LINGO2: variants seen among roughly 807,000 people sequenced by gnomAD.
The protein encoded by LINGO2 is leucine rich repeat and Ig domain containing 2, also known as leucine-rich repeat and immunoglobulin-like domain-containing nogo receptor-interacting protein 2.
Under a neutral mutation model 30.6 loss-of-function variants are expected in LINGO2, and 14 were observed. The observed-to-expected ratio is 0.46, with a 90% CI of 0.30 to 0.72. The LOEUF is 0.72. LINGO2 is among the 30% of genes least tolerant of loss of function. LINGO2 has a pLI of 0.07. For synonymous variants in LINGO2, 317 were observed against 288.5 expected, an observed-to-expected ratio of 1.10 and a Z score of -1.00; for missense variants, 729 against 751.7, an observed-to-expected ratio of 0.97 and a Z score of 0.35.
intron 4 of LINGO2, among the ~76,000 whole-genome samples, chr9:28,096,881 T>A (rs559000594): frequency 1.3e-4 from 20 of 152,222 alleles, no homozygotes; most frequent in African/African-American, 4.8e-4. Context: ...TTTTAAAATG[T>A]TTTCATGCTT....
At chr9:29,129,328 G>GT in the LINGO2 span, among the ~76,000 whole-genome samples, 4 of 152,040 alleles carry the variant, frequency 2.6e-5, no homozygotes, top group Non-Finnish European at 5.9e-5. Flanking sequence ...TAGATAAACT[G>GT]TTAAAATGAA....
intron 1 of LINGO2, among the ~76,000 whole-genome samples, chr9:28,518,878 A>G (rs1475626735): frequency 6.6e-6 from 1 of 152,184 alleles, no homozygotes; most frequent in Non-Finnish European, 1.5e-5. Flanking sequence ...AAACCTAGAG[A>G]GAAAAGGTAA....
At chr9:28,615,556 T>C in intron 1 of LINGO2, among the ~76,000 whole-genome samples, 1 of 152,270 alleles carries the variant, frequency 6.6e-6, no homozygotes, top group Admixed American at 6.5e-5. Flanking sequence ...ACAAAATTAT[T>C]ATAAATAATT....
the LINGO2 span, among the ~76,000 whole-genome samples, chr9:28,731,642 G>C: frequency 2.2e-4 from 33 of 152,230 alleles, no homozygotes; most frequent in Admixed American, 8.5e-4. Context: ...CCTGGGGATA[G>C]CTGCTGTTCT....
At chr9:28,856,200 T>C in the LINGO2 span, among the ~76,000 whole-genome samples, 1 of 151,930 alleles carries the variant, frequency 6.6e-6, no homozygotes, top group Non-Finnish European at 1.5e-5. Context: ...TTATAAAAGG[T>C]TTCATTTCCA....
At chr9:29,185,581 A>C in the LINGO2 span, among the ~76,000 whole-genome samples, 2 of 152,196 alleles carry the variant, frequency 1.3e-5, no homozygotes, top group African/African-American at 2.4e-5. Flanking sequence ...ATCAATTTAC[A>C]TTTTGCAAAG....
At chr9:28,508,916 T>G (rs1387375548) in intron 1 of LINGO2, among the ~76,000 whole-genome samples, 1 of 152,076 alleles carries the variant, frequency 6.6e-6, no homozygotes, top group African/African-American at 2.4e-5. Flanking sequence ...ATAATAAATT[T>G]ATGGAGTGGT....
At position 28,314,709 on chromosome 9, in the gene LINGO2, G is replaced by A. The variant is rs560563830; in HGVS notation, c.-245-19343C>T. On this transcript the variant is annotated intron_variant, in intron 3 of 5. Transcript: ENST00000379992. ...GGCAAAGATAAATATATGAGGCCGG[G>A]CGCGGTGGCTCACGCCTGTAATCCC... Among the ~76,000 whole-genome samples, 315 of 152,280 alleles carry A rather than the reference G, an allele frequency of 2.1e-3. 1 individual carries two copies. The highest frequency in any genetic ancestry group is 3.4e-3 in the Non-Finnish European group (233 of 68,022).
chr9:28,008,644 G>T (rs537223644), intron 5 of LINGO2, among the ~76,000 whole-genome samples: 1 of 152,160 alleles, frequency 6.6e-6, no homozygotes, highest in East Asian at 1.9e-4. Context: ...GAATGTATTT[G>T]ACAATCTGAA....
chr9:29,146,505 G>A, the LINGO2 span, among the ~76,000 whole-genome samples: 67 of 152,132 alleles, frequency 4.4e-4, 1 homozygote, highest in Non-Finnish European at 8.4e-4. Flanking sequence ...ATCATTAAGT[G>A]TTGCTGCAAG....
At chr9:28,341,156 A>T (rs890025070) in intron 3 of LINGO2, among the ~76,000 whole-genome samples, 2 of 152,114 alleles carry the variant, frequency 1.3e-5, no homozygotes, top group Admixed American at 1.3e-4. Context: ...AACCAATTCA[A>T]TAGATATGCC....
At chr9:28,971,209 T>C in the LINGO2 span, among the ~76,000 whole-genome samples, 5 of 152,202 alleles carry the variant, frequency 3.3e-5, no homozygotes, top group African/African-American at 1.2e-4. Context: ...TGAAGACCCT[T>C]GGGCCTTGAA....
intron 2 of LINGO2, 37 bp downstream of exon 4, chr9:28,475,903 A>C (rs16913180): frequency 0.048 from 7,331 of 152,666 alleles, 430 homozygotes; most frequent in African/African-American, 0.13. Context: ...ACAGAATCGA[A>C]AGATATCCTG....
chr9:29,188,171 C>A, the LINGO2 span, among the ~76,000 whole-genome samples: 1 of 151,344 alleles, frequency 6.6e-6, no homozygotes, highest in Admixed American at 6.6e-5. Flanking sequence ...TGCGGCCTTC[C>A]GCAGTGTTTG....
At chr9:27,972,013 G>C (rs920543330) in intron 5 of LINGO2, among the ~76,000 whole-genome samples, 1 of 152,064 alleles carries the variant, frequency 6.6e-6, no homozygotes, top group African/African-American at 2.4e-5. Context: ...GCTCATGTTT[G>C]TTTATATTTT....
At chr9:28,698,634 G>C in the LINGO2 span, among the ~76,000 whole-genome samples, 1 of 151,688 alleles carries the variant, frequency 6.6e-6, no homozygotes, top group Non-Finnish European at 1.5e-5. Flanking sequence ...TTTTTTAAGA[G>C]TTTATTTTTT....
At chr9:28,463,056 C>T (rs553914196) in intron 2 of LINGO2, among the ~76,000 whole-genome samples, 12 of 151,908 alleles carry the variant, frequency 7.9e-5, no homozygotes, top group African/African-American at 2.9e-4. Flanking sequence ...ACAAAAGACA[C>T]TTCTGTTTTA....
the LINGO2 span, among the ~76,000 whole-genome samples, chr9:28,889,688 C>A: frequency 3.3e-5 from 5 of 152,072 alleles, no homozygotes; most frequent in African/African-American, 1.2e-4. Context: ...CATATAAAAA[C>A]AAATGGTTAA....
At chr9:28,084,815 C>A (rs1825865313) in intron 4 of LINGO2, among the ~76,000 whole-genome samples, 1 of 152,050 alleles carries the variant, frequency 6.6e-6, no homozygotes, top group African/African-American at 2.4e-5. Context: ...GTCCATGGGC[C>A]AGAAAGTCTG....
Sources: allele counts gnomAD v4.1 joint callset (sites outside exome capture counted in the v4.1 genomes callset), GRCh38; gene constraint gnomAD v4.1.1; transcripts MANE v1.5; gene names NCBI Gene and HGNC (gene_info 2026-07-23, HGNC 2026-07-21).